RIT2: variants seen among roughly 807,000 people sequenced by gnomAD.
RIT2 encodes GTP-binding protein Rit2.
RIT2 carries 24 observed loss-of-function variants against 23.7 expected under a neutral mutation model. The observed-to-expected ratio is 1.01, with a 90% confidence interval of 0.73 to 1.43. RIT2 has a LOEUF of 1.43. Among genes scored for constraint, RIT2 ranks in the 40% most tolerant of loss-of-function variants. RIT2 has a pLI of 0.00. For missense variants in RIT2, 236 were observed against 266.9 expected, an observed-to-expected ratio of 0.88 and a Z score of 0.81; for synonymous variants, 107 against 91.1, an observed-to-expected ratio of 1.17 and a Z score of -0.99.
At chr18:42,786,620 A>G (rs1433750054) in intron 4 of RIT2, among the ~76,000 whole-genome samples, 1 of 152,100 alleles carries the variant, frequency 6.6e-6, no homozygotes, top group African/African-American at 2.4e-5. Context: ...AATTCTCGGG[A>G]CTGACAATCA....
chr18:42,951,430 G>A (rs1909849087), intron 3 of RIT2, among the ~76,000 whole-genome samples: 1 of 151,898 alleles, frequency 6.6e-6, no homozygotes, highest in South Asian at 2.1e-4. Context: ...TGCTAAAAGA[G>A]GAGGGATGGA....
At chr18:43,022,149 T>C (rs978494597) in intron 2 of RIT2, among the ~76,000 whole-genome samples, 3 of 152,154 alleles carry the variant, frequency 2.0e-5, no homozygotes, top group Non-Finnish European at 4.4e-5. Flanking sequence ...TCCTGGCATG[T>C]GCCACAACAT....
intron 2 of RIT2, among the ~76,000 whole-genome samples, chr18:42,992,654 GCA>G (rs1910881434): frequency 6.6e-6 from 1 of 151,946 alleles, no homozygotes; most frequent in African/African-American, 2.4e-5. Context: ...GTTTCATTCC[GCA>G]ACTAGCTTTC....
intron 4 of RIT2, among the ~76,000 whole-genome samples, chr18:42,765,736 A>G (rs768154962): frequency 2.8e-4 from 43 of 152,212 alleles, no homozygotes; most frequent in Non-Finnish European, 4.6e-4. Flanking sequence ...ATATGGACAC[A>G]TATAATACAT....
At chr18:43,035,142 G>A (rs753806592) in intron 1 of RIT2, among the ~76,000 whole-genome samples, 14 of 152,208 alleles carry the variant, frequency 9.2e-5, no homozygotes, top group Non-Finnish European at 1.8e-4. Flanking sequence ...TGTGGAATGC[G>A]CTAGTCTGAC....
chr18:42,823,190 T>G (rs906068271), intron 4 of RIT2, among the ~76,000 whole-genome samples: 1 of 152,158 alleles, frequency 6.6e-6, no homozygotes, highest in Non-Finnish European at 1.5e-5. Context: ...TCAGAAAAAT[T>G]TCTCTGAGTG....
At chr18:42,956,587 A>G (rs1909975329) in intron 3 of RIT2, among the ~76,000 whole-genome samples, 1 of 152,194 alleles carries the variant, frequency 6.6e-6, no homozygotes, top group Non-Finnish European at 1.5e-5. Flanking sequence ...CCTAATGATT[A>G]ACAAGAGAAA....
intron 2 of RIT2, among the ~76,000 whole-genome samples, chr18:43,027,595 T>C (rs1273048422): frequency 6.6e-6 from 1 of 151,982 alleles, no homozygotes; most frequent in East Asian, 1.9e-4. Flanking sequence ...TCTAGATGTT[T>C]CCATTGTCTA....
At chr18:42,940,389 T>C (rs973851055) in intron 3 of RIT2, among the ~76,000 whole-genome samples, 2 of 149,148 alleles carry the variant, frequency 1.3e-5, no homozygotes, top group Non-Finnish European at 3.0e-5. Flanking sequence ...GTTAAATATA[T>C]ATAATTTGTA....
chr18:42,949,946 G>C (rs1909811384), intron 3 of RIT2, among the ~76,000 whole-genome samples: 1 of 152,032 alleles, frequency 6.6e-6, no homozygotes, highest in South Asian at 2.1e-4. Context: ...CCACATAATG[G>C]GAGAATCATC....
At chr18:42,805,955 G>GA in intron 4 of RIT2, among the ~76,000 whole-genome samples, 1 of 151,732 alleles carries the variant, frequency 6.6e-6, no homozygotes, top group African/African-American at 2.4e-5. Context: ...AGTGTTTTAC[G>GA]AAAAAAGCCA....
intron 3 of RIT2, among the ~76,000 whole-genome samples, chr18:42,936,901 A>G (rs1354166919): frequency 6.6e-6 from 1 of 151,930 alleles, no homozygotes; most frequent in Non-Finnish European, 1.5e-5. Flanking sequence ...AACCCCAGCT[A>G]CTCAGGAAAC....
At chr18:43,000,566 C>T (rs1443942959) in intron 2 of RIT2, among the ~76,000 whole-genome samples, 3 of 151,916 alleles carry the variant, frequency 2.0e-5, no homozygotes, top group Non-Finnish European at 4.4e-5. Flanking sequence ...TGTGTCCTCG[C>T]CCAAATCTCA....
intron 1 of RIT2, among the ~76,000 whole-genome samples, chr18:43,079,272 T>C (rs1217041105): frequency 6.6e-6 from 1 of 152,172 alleles, no homozygotes. Context: ...GATTTGTGTG[T>C]TTTTTGTTTT....
chr18:43,112,663 G>A (rs540453248), intron 1 of RIT2, among the ~76,000 whole-genome samples: 1 of 152,138 alleles, frequency 6.6e-6, no homozygotes, highest in Non-Finnish European at 1.5e-5. Flanking sequence ...CAGCACTTTG[G>A]GGGGCTGAGG....
At chr18:43,020,038 T>C (rs4559991) in intron 2 of RIT2, among the ~76,000 whole-genome samples, 146,118 of 152,118 alleles carry the variant, frequency 0.96, 70,430 homozygotes, top group East Asian at 1. Context: ...TCAAAGAGGA[T>C]ATAAAAAACA....
intron 4 of RIT2, among the ~76,000 whole-genome samples, chr18:42,896,949 C>G (rs2144101688): frequency 6.6e-6 from 1 of 152,276 alleles, no homozygotes; most frequent in Non-Finnish European, 1.5e-5. Context: ...CTTGGCTTAT[C>G]TGGTTTTCTT....
intron 4 of RIT2, among the ~76,000 whole-genome samples, chr18:42,812,574 C>G (rs1905882300): frequency 6.6e-6 from 1 of 152,078 alleles, no homozygotes; most frequent in Admixed American, 6.5e-5. Flanking sequence ...TGTTCTACTC[C>G]TAGGAACTTT....
chr18:42,965,711 C>CTTTTTTTTTTGTTT (rs1910203082), intron 3 of RIT2, among the ~76,000 whole-genome samples: 1 of 37,770 alleles, frequency 2.6e-5, no homozygotes. Flanking sequence ...GTACTGATGG[C>CTTTTTTTTTTGTTT]TTTTTTTTTT....
Sources: gnomAD v4.1 joint callset for allele counts (sites outside exome capture counted in the v4.1 genomes callset) on GRCh38, gnomAD v4.1.1 for gene constraint, MANE v1.5 for transcripts, NCBI Gene and HGNC (gene_info 2026-07-23, HGNC 2026-07-21) for gene names.